Variants in CUEDC1 observed in about 807,000 individuals in gnomAD.
The protein encoded by CUEDC1 is CUE domain containing 1.
A neutral mutation model predicts 43.7 loss-of-function variants in CUEDC1; 30 were observed. The observed-to-expected ratio is 0.69, with a 90% CI of 0.51 to 0.93. The LOEUF is 0.93. Among genes scored for constraint, CUEDC1 ranks in the 40% least tolerant of loss-of-function variants. The pLI, the probability that CUEDC1 is intolerant of heterozygous loss-of-function variation, is 0.00. For synonymous variants in CUEDC1, 223 were observed against 223.6 expected, an observed-to-expected ratio of 1.00 and a Z score of 0.02; for missense variants, 486 against 549.0, an observed-to-expected ratio of 0.89 and a Z score of 1.15.
At chr17:57,881,884 C>A (rs564916775) in intron 2 of CUEDC1, among the ~76,000 whole-genome samples, 10 of 152,194 alleles carry the variant, frequency 6.6e-5, no homozygotes, top group Middle Eastern at 3.2e-3. Context: ...AGAAGACAGG[C>A]GGCCGGCCAG....
At chr17:57,868,387 A>G in intron 7 of CUEDC1, 144 bp from the exon 8 acceptor site, 1 of 694,300 alleles carries the variant, frequency 1.4e-6, no homozygotes. Context: ...CTGAGGAGGG[A>G]GAGATGACAG....
At chr17:57,893,340 T>C (rs1006682560) in intron 1 of CUEDC1, among the ~76,000 whole-genome samples, 2 of 134,656 alleles carry the variant, frequency 1.5e-5, no homozygotes, top group African/African-American at 5.0e-5. Context: ...AGACAGAGGC[T>C]CTCAGGGTAT....
At chr17:57,865,826 T>TC (rs1438765837) in intron 10 of CUEDC1, among the ~76,000 whole-genome samples, 2 of 148,910 alleles carry the variant, frequency 1.3e-5, no homozygotes, top group Non-Finnish European at 3.0e-5. Context: ...TCTTTTTCTT[T>TC]TTTTTTTTTT....
intron 1 of CUEDC1, among the ~76,000 whole-genome samples, chr17:57,925,557 C>T (rs2074738936): frequency 6.6e-6 from 1 of 152,124 alleles, no homozygotes; most frequent in Admixed American, 6.5e-5. Flanking sequence ...GTGCTCTGCC[C>T]CAGGCAAAGA....
intron 1 of CUEDC1, among the ~76,000 whole-genome samples, chr17:57,941,787 A>G (rs556582922): frequency 3.9e-5 from 6 of 152,222 alleles, no homozygotes; most frequent in African/African-American, 4.8e-5. Context: ...ACTAAATTAC[A>G]TAAGTAGCAT....
intron 1 of CUEDC1, among the ~76,000 whole-genome samples, chr17:57,902,742 C>T (rs1228879132): frequency 2.0e-5 from 3 of 152,206 alleles, no homozygotes; most frequent in Admixed American, 6.5e-5. Context: ...GGAAAGTCCC[C>T]GAACGCTTTG....
At chr17:57,890,994 C>A (rs1270666905) in intron 1 of CUEDC1, among the ~76,000 whole-genome samples, 1 of 152,216 alleles carries the variant, frequency 6.6e-6, no homozygotes, top group Admixed American at 6.5e-5. Context: ...ATAATAAGCA[C>A]CAGTGACACA....
At chr17:57,871,015 AG>A (rs1157514378) in intron 6 of CUEDC1, among the ~76,000 whole-genome samples, 2 of 152,184 alleles carry the variant, frequency 1.3e-5, no homozygotes, top group Non-Finnish European at 2.9e-5. Flanking sequence ...CTCGAGGCAT[AG>A]GTTGAGAGTT....
At chr17:57,912,577 T>G (rs1567715030) in intron 1 of CUEDC1, 1 of 152,064 alleles carries the variant, frequency 6.6e-6, no homozygotes, top group Non-Finnish European at 1.5e-5. Flanking sequence ...TGTTTGTGCC[T>G]CAGTTTCACT....
intron 1 of CUEDC1, among the ~76,000 whole-genome samples, chr17:57,908,670 T>C (rs2074552802): frequency 6.6e-6 from 1 of 152,226 alleles, no homozygotes; most frequent in Non-Finnish European, 1.5e-5. Flanking sequence ...TTTGTGTGTG[T>C]GCACGCATTA....
At chr17:57,892,560 A>G (rs532282747) in intron 1 of CUEDC1, 2 of 152,554 alleles carry the variant, frequency 1.3e-5, no homozygotes, top group African/African-American at 4.8e-5. Context: ...AGCAGACCCT[A>G]CGTCCATCTG....
intron 1 of CUEDC1, among the ~76,000 whole-genome samples, chr17:57,923,688 G>T (rs1306312087): frequency 6.6e-6 from 1 of 152,208 alleles, no homozygotes; most frequent in Admixed American, 6.5e-5. Flanking sequence ...CAGTTGATGG[G>T]CTCCTGTGAA....
chr17:57,873,291 G>A (rs548201747), intron 4 of CUEDC1, among the ~76,000 whole-genome samples: 15 of 152,246 alleles, frequency 9.9e-5, no homozygotes, highest in Middle Eastern at 3.4e-3. Context: ...GAGGAAGGGG[G>A]GTGCTCTGGC....
At chr17:57,902,178 C>T (rs937306086) in intron 1 of CUEDC1, among the ~76,000 whole-genome samples, 3 of 149,586 alleles carry the variant, frequency 2.0e-5, no homozygotes, top group Admixed American at 1.3e-4. Context: ...AAGACAAGAG[C>T]GAGACTCCAC....
At chr17:57,931,641 T>C (rs2074805054) in intron 1 of CUEDC1, among the ~76,000 whole-genome samples, 2 of 152,058 alleles carry the variant, frequency 1.3e-5, no homozygotes, top group African/African-American at 4.8e-5. Context: ...GGTATTCAAG[T>C]TGATGGTGGC....
In CUEDC1 at chr17:57,872,773, C is replaced by A. The variant is rs772891699; in HGVS notation, c.674G>T (p.Ser225Ile). Residue 225 changes from serine to isoleucine, a missense_variant, in exon 5 of 11, where the codon AGC becomes ATC. Ser to Ile is a moderately radical substitution (Grantham distance 142). Transcript: ENST00000577830. ...MAGPGPGDQE[S>I]RWKQYLEDER... ...GTCCTCCAGGTACTGCTTCCAGCGG[C>A]TCTCCTGGTCTCCGGGCCCTGGCCC... 1 of 1,614,122 alleles carries A rather than the reference C, an allele frequency of 6.2e-7. No homozygotes were observed. The highest frequency in any genetic ancestry group is 1.1e-5 in the South Asian group (1 of 91,094).
At chr17:57,885,072 G>A (rs1465254730) in intron 2 of CUEDC1, among the ~76,000 whole-genome samples, 157 bp downstream of exon 2, 2 of 152,250 alleles carry the variant, frequency 1.3e-5, no homozygotes, top group South Asian at 2.1e-4. Flanking sequence ...TTCCCTAGGG[G>A]AAGTAAGGCT....
intron 1 of CUEDC1, among the ~76,000 whole-genome samples, chr17:57,894,836 T>C (rs527915619): frequency 3.9e-5 from 6 of 152,248 alleles, no homozygotes; most frequent in African/African-American, 1.4e-4. Context: ...TGTGGACAAA[T>C]TGGTCCCAGA....
intron 3 of CUEDC1, among the ~76,000 whole-genome samples, 184 bp downstream of exon 3, chr17:57,879,427 C>T (rs1393818480): frequency 6.6e-6 from 1 of 152,242 alleles, no homozygotes; most frequent in African/African-American, 2.4e-5. Flanking sequence ...AATGTTTGCT[C>T]TTGCAATCCT....
Sources: allele counts gnomAD v4.1 joint callset (sites outside exome capture counted in the v4.1 genomes callset), GRCh38; gene constraint gnomAD v4.1.1; transcripts MANE v1.5; gene names NCBI Gene and HGNC (gene_info 2026-07-23, HGNC 2026-07-21).